GBP5: variants seen among roughly 807,000 people sequenced by gnomAD.
GBP5 encodes the protein guanylate-binding protein 5.
GBP5 carries 48 observed loss-of-function variants against 58.2 expected under a neutral mutation model. That is an observed-to-expected ratio of 0.83 (90% confidence interval 0.65 to 1.05). The LOEUF is 1.05. Among genes scored for constraint, GBP5 ranks in the 50% least tolerant of loss-of-function variants. The probability of loss-of-function intolerance (pLI) is 0.00; values close to 1 mark genes in which losing one functional copy is unlikely to be tolerated. For synonymous variants in GBP5, 248 were observed against 251.8 expected (o/e 0.98, Z 0.14); for missense variants, 714 against 686.8 (o/e 1.04, Z -0.44).
Position 89,264,812 on chromosome 1 carries a change from C to T in GBP5, c.1023G>A (p.Val341=), listed in dbSNP as rs1225979597. Reference sequence around the variant, plus strand: ...CCTGGAGGGTTTCCATGGGCAGCTGCACTTTCTGGCCCATTTGCTGGTCAT... The same window carrying T: ...CCTGGAGGGTTTCCATGGGCAGCTGTACTTTCTGGCCCATTTGCTGGTCAT... ...AHYDQQMGQK[V]QLPMETLQEL... is the part of the protein sequence containing the mutation. The change falls in exon 8 of 12, where the codon GTG becomes GTA. Residue 341 remains valine, a synonymous_variant. Coordinates refer to ENST00000370459, the MANE Select transcript of GBP5 (RefSeq NM_052942.5). 1 of 1,614,194 alleles carries T rather than the reference C, an allele frequency of 6.2e-7. No homozygotes were observed. Among genetic ancestry groups the T allele is most frequent in the Non-Finnish European group, 8.5e-7 (1 of 1,180,034 alleles).
At chr1:89,267,669 A>C (rs1257153753) in intron 4 of GBP5, 143 bp from the exon 5 acceptor site, 11 of 616,570 alleles carry the variant, frequency 1.8e-5, no homozygotes, top group Non-Finnish European at 3.2e-5. Context: ...TCTCTTGTTA[A>C]CATTGATAAT....
chr1:89,270,352 A>G (rs1650395506), intron 2 of GBP5: 1 of 152,240 alleles, frequency 6.6e-6, no homozygotes, highest in Non-Finnish European at 1.5e-5. Context: ...CATAAAGGAT[A>G]GTTTTCTTCC....
chr1:89,258,018 C>T lies in GBP5; in HGVS notation c.*2686G>A, dbSNP rs1326441908. 6.6e-6 allele frequency among the ~76,000 whole-genome samples: 1 copy of T among 152,176 alleles called. No individual in the cohort carries two copies. Among genetic ancestry groups the T allele is most frequent in the African/African-American group, 2.4e-5 (1 of 41,448 alleles). ...AAAGTCAGAAAATATAAGCTACTTA[C>T]TGGTAGTTTCAAGAAATCATCAATG... On this transcript the variant is annotated 3_prime_UTR_variant, in exon 12 of 12. Coordinates refer to ENST00000370459, the MANE Select transcript of GBP5 (RefSeq NM_052942.5).
In GBP5 at chr1:89,257,535, ATTTAT is replaced by A. The variant is rs1438461475; in HGVS notation, c.*3164_*3168del. Among the ~76,000 whole-genome samples, 3 of 151,382 alleles carry A rather than the reference ATTTAT, an allele frequency of 2.0e-5. No homozygotes were observed. The highest frequency in any genetic ancestry group is 4.4e-5 in the Non-Finnish European group (3 of 68,018). On this transcript the variant is annotated 3_prime_UTR_variant, in exon 12 of 12. Coordinates refer to ENST00000370459, the MANE Select transcript of GBP5 (RefSeq NM_052942.5). ...AAGGCCTTCTGTGGTACTGACCTTA[ATTTAT>A]TTAATTTCAATGCTTTAACAATAAT... is the stretch of plus-strand genomic sequence containing the variant.
In GBP5 at chr1:89,257,575, A is replaced by C. The variant is rs902962656; in HGVS notation, c.*3129T>G. On this transcript the variant is annotated 3_prime_UTR_variant, in exon 12 of 12. Coordinates refer to ENST00000370459, the MANE Select transcript of GBP5 (RefSeq NM_052942.5). ...ATGCTTTAACAATAATAACTTTAATAATGATAACACTAACATACATTGATA... is the reference window on the plus strand; with the variant it reads ...ATGCTTTAACAATAATAACTTTAATCATGATAACACTAACATACATTGATA... 6.6e-5 allele frequency among the ~76,000 whole-genome samples: 10 copies of C among 152,182 alleles called. No homozygotes were observed. Among genetic ancestry groups the C allele is most frequent in the African/African-American group, 1.9e-4 (8 of 41,438 alleles).
intron 11 of GBP5, among the ~76,000 whole-genome samples, chr1:89,261,064 C>T (rs566164382): frequency 9.9e-5 from 15 of 152,174 alleles, no homozygotes; most frequent in African/African-American, 3.6e-4. Context: ...CTCCCTTCCC[C>T]CTTAAACCAC....
rs1223761206 is a variant in GBP5 at position 89,260,748 on chromosome 1, C to A, written c.1717G>T (p.Ala573Ser). The part of the protein sequence containing the change: ...NRSLLSELQH[A>S]QRTVNNDDPC... ...TCATCGTTATTAACAGTCCTCTGGG[C>A]GTGCTGGAGCTCACTGAGAAGGCTT... is the stretch of plus-strand genomic sequence containing the variant. The change falls in exon 12 of 12, where the codon GCC becomes TCC. Residue 573 changes from alanine (A) to serine (S), a missense_variant. By Grantham distance (99) the Ala-to-Ser change is moderately conservative. Transcript: ENST00000370459. The A allele has an allele frequency of 4.3e-6, 7 of 1,613,768 alleles. No individual in the cohort carries two copies. Among genetic ancestry groups the A allele is most frequent in the Non-Finnish European group, 5.9e-6 (7 of 1,179,848 alleles).
rs1650351671 is a variant in GBP5 at position 89,269,379 on chromosome 1, A to G, written c.177T>C (p.Ala59=). 6.2e-7 allele frequency: 1 copy of G among 1,614,002 alleles called. No individual in the cohort carries two copies. Among genetic ancestry groups the G allele is most frequent in the Non-Finnish European group, 8.5e-7 (1 of 1,179,992 alleles). Reference sequence around the variant, plus strand: ...GGTACCACTCACCCTTGTTCTTCCCAGCCAGCTTGTTCATCAGGTAGGATT... The same window carrying G: ...GGTACCACTCACCCTTGTTCTTCCCGGCCAGCTTGTTCATCAGGTAGGATT... ...TGKSYLMNKL[A]GKNKGFSVAS... Residue 59 remains alanine, a synonymous_variant, in exon 3 of 12, where the codon GCT becomes GCC. Coordinates refer to ENST00000370459, the MANE Select transcript of GBP5 (RefSeq NM_052942.5).
At position 89,262,796 on chromosome 1, in the gene GBP5, G is replaced by A. The variant is rs757235285; in HGVS notation, c.1363-11C>T. 27 of 1,487,632 alleles carry A rather than the reference G, an allele frequency of 1.8e-5. No individual in the cohort carries two copies. In the Middle Eastern group the frequency reaches 5.3e-4, roughly 29 times the overall value. 92.2% of individuals were successfully genotyped at this position (1,487,632 alleles called of 1,614,324 possible). ...CAGAACTTCTTCAGCCTAGCAACCC[G>A]GAAAACATGCAGTTAGATGCAGGAA... On this transcript the variant is annotated splice_polypyrimidine_tract_variant and intron_variant, in intron 9 of 11. Coordinates refer to ENST00000370459, the MANE Select transcript of GBP5 (RefSeq NM_052942.5).
In GBP5 at chr1:89,265,014, A is replaced by C. The variant is rs1650156936; in HGVS notation, c.869-48T>G. The C allele has an allele frequency of 2.0e-6, 3 of 1,526,508 alleles. No homozygotes were observed. In the South Asian group the frequency reaches 3.5e-5, roughly 18 times the overall value. The allele number at this position is 1,526,508 out of a possible 1,614,324, so 94.6% of individuals were successfully genotyped here. A position where few individuals can be genotyped will look rare whatever the true frequency, so the allele number is the denominator to read the frequency against. ...TATATTATTTGCAAAGGAAGAAGACATGATTGATACAGTAATTTCTGAGAA... is the reference window on the plus strand; with the variant it reads ...TATATTATTTGCAAAGGAAGAAGACCTGATTGATACAGTAATTTCTGAGAA... On this transcript the variant is annotated intron_variant, in intron 7 of 11. Transcript: ENST00000370459.
chr1:89,256,302 T>C lies in GBP5; in HGVS notation c.*4402A>G, dbSNP rs1456365501. Among the ~76,000 whole-genome samples the C allele has an allele frequency of 1.3e-5, 2 of 152,192 alleles. No individual in the cohort carries two copies. Among genetic ancestry groups the C allele is most frequent in the Non-Finnish European group, 2.9e-5 (2 of 68,034 alleles). On this transcript the variant is annotated 3_prime_UTR_variant, in exon 12 of 12. Transcript: ENST00000370459. Reference sequence around the variant, plus strand: ...AACAGGCCAAACAAAATTACATTACTTAGGAGCTCACATGTTTATAATAAA... The same window carrying C: ...AACAGGCCAAACAAAATTACATTACCTAGGAGCTCACATGTTTATAATAAA...
rs188884590 is a variant in GBP5, at chr1:89,258,654, T to C, written c.*2050A>G. ...CGGCTTTTTTCTGTATATAAGTAAA[T>C]CATATTTTGGGTGACTAAAAAAATT... On this transcript the variant is annotated 3_prime_UTR_variant, in exon 12 of 12. Coordinates refer to ENST00000370459, the MANE Select transcript of GBP5 (RefSeq NM_052942.5). Among the ~76,000 whole-genome samples, 535 of 152,160 alleles carry C rather than the reference T, an allele frequency of 3.5e-3. 6 individuals carry two copies. The highest frequency in any genetic ancestry group is 0.012 in the African/African-American group (505 of 41,524).
In GBP5 at chr1:89,270,821, G is replaced by C. The variant is rs1384817571; in HGVS notation, c.-86C>G. On this transcript the variant is annotated 5_prime_UTR_variant, in exon 2 of 12. Coordinates refer to ENST00000370459, the MANE Select transcript of GBP5 (RefSeq NM_052942.5). ...GGAGGCCAGAATAATTTTTCCACTA[G>C]AAAGATATGGGCACCTTGAAGTGAT... is the stretch of plus-strand genomic sequence containing the variant. The C allele has an allele frequency of 2.0e-5, 3 of 152,118 alleles. No homozygotes were observed. Among genetic ancestry groups the C allele is most frequent in the South Asian group, 2.1e-4 (1 of 4,826 alleles). The allele number at this position is 152,118 out of a possible 1,614,324, so 9.4% of individuals were successfully genotyped here.
rs936413123 is a variant in GBP5 at position 89,269,704 on chromosome 1, T to A, written c.-19-130A>T. On this transcript the variant is annotated intron_variant, in intron 2 of 11. Coordinates refer to ENST00000370459, the MANE Select transcript of GBP5 (RefSeq NM_052942.5). ...TGCCTAAGTTTCTGGAAAAAAAAAG[T>A]TTTAAAATAAAAAGAGTCCTGTAAA... 4.3e-5 allele frequency: 24 copies of A among 555,854 alleles called. 1 individual carries two copies. The highest frequency in any genetic ancestry group is 7.5e-5 in the Non-Finnish European group (24 of 319,836). The allele number at this position is 555,854 out of a possible 1,614,324, so 34.4% of individuals were successfully genotyped here. A position where few individuals can be genotyped will look rare whatever the true frequency, so the allele number is the denominator to read the frequency against.
At position 89,259,993 on chromosome 1, in the gene GBP5, A is replaced by G. The variant is rs1413539467; in HGVS notation, c.*711T>C. 3 of 152,200 alleles carry G rather than the reference A, an allele frequency of 2.0e-5. No individual in the cohort carries two copies. Among genetic ancestry groups the G allele is most frequent in the African/African-American group, 4.8e-5 (2 of 41,388 alleles). The allele number at this position is 152,200 out of a possible 1,614,324, so 9.4% of individuals were successfully genotyped here. ...CTTGTCCTTTCTCTTGGCTAACCTT[A>G]TAAGCCCATGTGCATAACTCCCTCT... is the stretch of plus-strand genomic sequence containing the variant. On this transcript the variant is annotated 3_prime_UTR_variant, in exon 12 of 12. Coordinates refer to ENST00000370459, the MANE Select transcript of GBP5 (RefSeq NM_052942.5).
At position 89,256,589 on chromosome 1, in the gene GBP5, A is replaced by G. The variant is rs562028450; in HGVS notation, c.*4115T>C. On this transcript the variant is annotated 3_prime_UTR_variant, in exon 12 of 12. Transcript: ENST00000370459. ...TAAAATATTGCTTTGAAAGGGAACA[A>G]AGATTGTGTTGAAACTGACTGAGAC... is the stretch of plus-strand genomic sequence containing the variant. Among the ~76,000 whole-genome samples the G allele has an allele frequency of 6.6e-6, 1 of 152,358 alleles. No individual in the cohort carries two copies. The highest frequency in any genetic ancestry group is 1.5e-5 in the Non-Finnish European group (1 of 68,032).
At chr1:89,262,184 T>A (rs996009445) in intron 11 of GBP5, 36 bp downstream of exon 11, 11 of 1,601,988 alleles carry the variant, frequency 6.9e-6, no homozygotes, top group Non-Finnish European at 8.5e-6. Flanking sequence ...CTCTCATCGT[T>A]ACAGGCAGGG....
Position 89,258,948 on chromosome 1 carries a change from G to T in GBP5, c.*1756C>A, listed in dbSNP as rs906270497. On this transcript the variant is annotated 3_prime_UTR_variant, in exon 12 of 12. Transcript: ENST00000370459. ...TGAGAAAAATACAAACAAAGGAACT[G>T]ATTTATGGTTTTCCAAAAATGTTTT... 1.1e-4 allele frequency: 17 copies of T among 152,168 alleles called. No individual in the cohort carries two copies. Among genetic ancestry groups the T allele is most frequent in the South Asian group, 1.0e-3 (5 of 4,824 alleles). 9.4% of individuals were successfully genotyped at this position (152,168 alleles called of 1,614,324 possible). A position where few individuals can be genotyped will look rare whatever the true frequency, so the allele number is the denominator to read the frequency against.
chr1:89,271,756 G>A (rs1346872993), intron 1 of GBP5: 1 of 152,208 alleles, frequency 6.6e-6, no homozygotes, highest in Non-Finnish European at 1.5e-5. Flanking sequence ...ATTTCAACGA[G>A]TGAACAGTTG....
Sources: gnomAD v4.1 joint callset for allele counts (sites outside exome capture counted in the v4.1 genomes callset) on GRCh38, gnomAD v4.1.1 for gene constraint, MANE v1.5 for transcripts, NCBI Gene and HGNC (gene_info 2026-07-23, HGNC 2026-07-21) for gene names.